Variants in AFG2A observed in about 807,000 individuals in gnomAD.
AFG2A encodes AAA ATPase AFG2A.
chr4:122,978,426 G>A, the AFG2A span, among the ~76,000 whole-genome samples: 4 of 152,194 alleles, frequency 2.6e-5, no homozygotes, highest in Non-Finnish European at 4.4e-5. Context: ...GGGTTTTTAT[G>A]GGCTTCAGAA....
At chr4:123,189,402 C>T in the AFG2A span, among the ~76,000 whole-genome samples, 1 of 152,108 alleles carries the variant, frequency 6.6e-6, no homozygotes, top group Admixed American at 6.5e-5. Context: ...AAATTGTTTC[C>T]TAGAGAAGCC....
the AFG2A span, among the ~76,000 whole-genome samples, chr4:122,960,710 G>A: frequency 1.3e-5 from 2 of 152,046 alleles, no homozygotes; most frequent in African/African-American, 2.4e-5. Flanking sequence ...TAGCAATACC[G>A]AATCTAATAA....
the AFG2A span, chr4:122,938,161 C>T: frequency 6.2e-7 from 1 of 1,609,266 alleles, no homozygotes; most frequent in Non-Finnish European, 8.5e-7. Context: ...GAGCTGGATG[C>T]ACTTTGTCCG....
the AFG2A span, among the ~76,000 whole-genome samples, chr4:123,133,841 G>A: frequency 7.9e-5 from 12 of 152,236 alleles, no homozygotes; most frequent in African/African-American, 2.6e-4. Flanking sequence ...CAGATGTGAG[G>A]TGACATCTCA....
the AFG2A span, among the ~76,000 whole-genome samples, chr4:122,983,615 A>AT: frequency 0.022 from 3,303 of 151,066 alleles, 60 homozygotes; most frequent in Non-Finnish European, 0.036. Flanking sequence ...GGATTTTCCA[A>AT]TTTTTTTTTC....
At chr4:123,211,321 A>T in the AFG2A span, among the ~76,000 whole-genome samples, 1 of 152,118 alleles carries the variant, frequency 6.6e-6, no homozygotes, top group East Asian at 1.9e-4. Context: ...AAAAATTTCC[A>T]TGACATGTTT....
the AFG2A span, among the ~76,000 whole-genome samples, chr4:122,972,247 C>T: frequency 1.3e-5 from 2 of 151,502 alleles, no homozygotes; most frequent in Admixed American, 6.6e-5. Flanking sequence ...AATTTTTTTC[C>T]CCTAGAAACT....
the AFG2A span, among the ~76,000 whole-genome samples, chr4:123,029,776 T>C: frequency 2.0e-5 from 3 of 152,314 alleles, no homozygotes; most frequent in African/African-American, 7.2e-5. Flanking sequence ...CAGCTAGGAC[T>C]ACAGGTGTGA....
chr4:123,170,480 A>G, the AFG2A span, among the ~76,000 whole-genome samples: 4 of 152,158 alleles, frequency 2.6e-5, no homozygotes, highest in Admixed American at 1.3e-4. Context: ...TATGAAAAGC[A>G]TTCATTTTGT....
chr4:123,095,081 GTA>G, the AFG2A span, among the ~76,000 whole-genome samples: 17,478 of 48,038 alleles, frequency 0.36, 1,672 homozygotes, highest in Non-Finnish European at 0.46. Flanking sequence ...GTGTGTGTGT[GTA>G]TATATATATA....
the AFG2A span, among the ~76,000 whole-genome samples, chr4:122,941,912 T>G: frequency 1.2e-3 from 186 of 151,194 alleles, no homozygotes; most frequent in African/African-American, 4.4e-3. Context: ...TGTCTTTGGT[T>G]CTGTTTATAT....
At chr4:123,088,985 G>A in the AFG2A span, among the ~76,000 whole-genome samples, 8 of 152,056 alleles carry the variant, frequency 5.3e-5, no homozygotes, top group East Asian at 1.9e-4. Flanking sequence ...TTTGTGTACC[G>A]GCAGAGTAGC....
At chr4:123,176,872 A>G in the AFG2A span, among the ~76,000 whole-genome samples, 1 of 152,136 alleles carries the variant, frequency 6.6e-6, no homozygotes, top group Non-Finnish European at 1.5e-5. Context: ...GAGGAGGAAT[A>G]CCTTCTTTAA....
At chr4:123,180,871 T>C in the AFG2A span, among the ~76,000 whole-genome samples, 1 of 152,142 alleles carries the variant, frequency 6.6e-6, no homozygotes, top group African/African-American at 2.4e-5. Flanking sequence ...CAGCAAACTT[T>C]CTCTGTAAAG....
chr4:123,099,829 A>G, the AFG2A span, among the ~76,000 whole-genome samples: 1 of 151,850 alleles, frequency 6.6e-6, no homozygotes, highest in Admixed American at 6.6e-5. Flanking sequence ...TGAATCTTAA[A>G]GTTCCATTGG....
the AFG2A span, among the ~76,000 whole-genome samples, chr4:123,123,965 A>C: frequency 6.7e-6 from 1 of 149,700 alleles, no homozygotes; most frequent in African/African-American, 2.4e-5. Flanking sequence ...AAAAAAAAAA[A>C]AAAAAAAAAA....
the AFG2A span, among the ~76,000 whole-genome samples, chr4:122,932,592 T>A: frequency 6.6e-6 from 1 of 152,124 alleles, no homozygotes; most frequent in Non-Finnish European, 1.5e-5. Context: ...ATGGGCTGCT[T>A]ATGCACAAGA....
the AFG2A span, among the ~76,000 whole-genome samples, chr4:123,044,181 T>G: frequency 2.6e-5 from 4 of 152,214 alleles, no homozygotes; most frequent in East Asian, 1.9e-4. Flanking sequence ...ATAAGGATTT[T>G]GGCCCTAATC....
the AFG2A span, among the ~76,000 whole-genome samples, chr4:123,141,423 C>T: frequency 6.6e-6 from 1 of 152,266 alleles, no homozygotes; most frequent in African/African-American, 2.4e-5. Flanking sequence ...AATTGCCCCA[C>T]TGCACTCTCC....
Sources: gnomAD v4.1 joint callset for allele counts (sites outside exome capture counted in the v4.1 genomes callset) on GRCh38, gnomAD v4.1.1 for gene constraint, MANE v1.5 for transcripts, NCBI Gene and HGNC (gene_info 2026-07-23, HGNC 2026-07-21) for gene names.